Variants in RARB observed in about 807,000 individuals in gnomAD.
The protein encoded by RARB is retinoic acid receptor beta.
In RARB, 17 loss-of-function variants were observed where a neutral mutation model predicts 51.9. That is an observed-to-expected ratio of 0.33 (90% confidence interval 0.22 to 0.49). RARB has a LOEUF of 0.49. RARB is among the 20% of genes least tolerant of loss of function. RARB has a pLI of 0.99. For missense variants in RARB, 369 were observed against 550.8 expected (o/e 0.67, Z 3.30); for synonymous variants, 215 against 195.4 (o/e 1.10, Z -0.84).
chr3:25,212,235 C>T (rs1323126011), intron 5 of RARB, among the ~76,000 whole-genome samples: 1 of 152,016 alleles, frequency 6.6e-6, no homozygotes, highest in African/African-American at 2.4e-5. Flanking sequence ...AGTAAATAAG[C>T]TCAATGCATA....
chr3:25,352,885 G>C (rs1404094782), intron 5 of RARB, among the ~76,000 whole-genome samples: 1 of 152,132 alleles, frequency 6.6e-6, no homozygotes, highest in Non-Finnish European at 1.5e-5. Context: ...CGTATGAACT[G>C]GACTGTCCTT....
chr3:24,951,108 T>A (rs1259748301), intron 2 of RARB, among the ~76,000 whole-genome samples: 2 of 152,210 alleles, frequency 1.3e-5, no homozygotes, highest in African/African-American at 4.8e-5. Flanking sequence ...CAGTGAATTT[T>A]ATGATGACAG....
chr3:24,894,835 C>A (rs1338986322), intron 2 of RARB, among the ~76,000 whole-genome samples: 1 of 152,026 alleles, frequency 6.6e-6, no homozygotes, highest in Non-Finnish European at 1.5e-5. Flanking sequence ...CTCATGGAGA[C>A]CATTATCCAA....
At chr3:25,262,644 A>G (rs972353248) in intron 5 of RARB, among the ~76,000 whole-genome samples, 12 of 152,042 alleles carry the variant, frequency 7.9e-5, no homozygotes, top group African/African-American at 7.2e-5. Flanking sequence ...AATCTGATCT[A>G]TTGTTCTGCT....
rs1157902711 is a variant in RARB at position 25,171,440 on chromosome 3, A to ATTTTT, written c.-279-2662_-279-2658dup. On this transcript the variant is annotated intron_variant, in intron 4 of 11. Coordinates refer to the RARB transcript ENST00000383772. ...ATGTCGGGATTTTCTCGACACATTG[A>ATTTTT]TTTTTTTTTTTTTTTTTTTTTGCCT... 3.0e-3 allele frequency among the ~76,000 whole-genome samples: 96 copies of ATTTTT among 32,214 alleles called. 10 individuals are homozygous for ATTTTT. The highest frequency in any genetic ancestry group is 3.8e-3 in the Admixed American group (9 of 2,346). The allele number at this position is 32,214 out of a possible 152,430, so 21.1% of individuals were successfully genotyped here.
chr3:25,143,458 G>A (rs949657915), intron 4 of RARB, among the ~76,000 whole-genome samples: 7 of 152,258 alleles, frequency 4.6e-5, no homozygotes, highest in Admixed American at 2.6e-4. Context: ...AGGCCCACCC[G>A]ATCCAAAAGA....
chr3:25,195,221 A>C (rs1225241673), intron 5 of RARB, among the ~76,000 whole-genome samples: 1 of 151,926 alleles, frequency 6.6e-6, no homozygotes, highest in Admixed American at 6.6e-5. Flanking sequence ...TCACCTGAAG[A>C]TATCCATTTC....
chr3:25,439,990 C>A (rs1708593386), intron 1 of RARB, among the ~76,000 whole-genome samples: 1 of 152,120 alleles, frequency 6.6e-6, no homozygotes, highest in South Asian at 2.1e-4. Context: ...GCTGTGGAAG[C>A]TTGAGCTCCA....
At chr3:24,919,569 G>A (rs1695177543) in intron 2 of RARB, among the ~76,000 whole-genome samples, 1 of 152,016 alleles carries the variant, frequency 6.6e-6, no homozygotes, top group African/African-American at 2.4e-5. Context: ...TTCACCACGT[G>A]GCTGCACTGG....
At chr3:25,130,992 A>C (rs553653206) in intron 3 of RARB, among the ~76,000 whole-genome samples, 3 of 30,910 alleles carry the variant, frequency 9.7e-5, no homozygotes, top group Non-Finnish European at 2.1e-4. Flanking sequence ...TAATATTATC[A>C]ATATTTATTT....
chr3:25,333,844 A>C (rs1215770379), intron 5 of RARB, among the ~76,000 whole-genome samples: 1 of 152,218 alleles, frequency 6.6e-6, no homozygotes, highest in Non-Finnish European at 1.5e-5. Flanking sequence ...AAAATGAAAC[A>C]ACCCCATCAC....
chr3:25,517,443 A>T (rs1698216239), intron 3 of RARB, among the ~76,000 whole-genome samples: 1 of 152,342 alleles, frequency 6.6e-6, no homozygotes, highest in African/African-American at 2.4e-5. Flanking sequence ...CCATGATGAG[A>T]TGCTGCTTCA....
chr3:25,419,075 CAGTCCTGCAGA>C (rs1707786682), intron 5 of RARB, among the ~76,000 whole-genome samples: 2 of 151,322 alleles, frequency 1.3e-5, no homozygotes, highest in Non-Finnish European at 2.9e-5. Flanking sequence ...GAAGAGTGAG[CAGTCCTGCAGA>C]AGTATGATTG....
chr3:25,479,696 A>AT, intron 2 of RARB, among the ~76,000 whole-genome samples: 1 of 152,206 alleles, frequency 6.6e-6, no homozygotes, highest in Non-Finnish European at 1.5e-5. Context: ...CAAACATTTC[A>AT]TTACCACCTA....
chr3:24,925,102 C>G (rs952052826), intron 2 of RARB, among the ~76,000 whole-genome samples: 1 of 152,078 alleles, frequency 6.6e-6, no homozygotes, highest in African/African-American at 2.4e-5. Context: ...TCGCAGCCCT[C>G]TCATATGCAT....
intron 2 of RARB, among the ~76,000 whole-genome samples, chr3:25,037,259 CTT>C (rs35430060): frequency 1.4e-5 from 2 of 143,962 alleles, no homozygotes; most frequent in Non-Finnish European, 3.0e-5. Flanking sequence ...ATTTCACCAG[CTT>C]TTTTTTTTTT....
intron 2 of RARB, among the ~76,000 whole-genome samples, chr3:24,960,781 G>C (rs1349221274): frequency 6.6e-6 from 1 of 150,958 alleles, no homozygotes; most frequent in African/African-American, 2.4e-5. Context: ...TTTTAACTTT[G>C]GTGTGTCGCA....
At chr3:25,442,725 A>G (rs942533012) in intron 1 of RARB, among the ~76,000 whole-genome samples, 3 of 151,758 alleles carry the variant, frequency 2.0e-5, no homozygotes, top group African/African-American at 7.3e-5. Context: ...GGGTGGAACT[A>G]TTTTTCCTGG....
chr3:25,097,670 C>T (rs927569153), intron 3 of RARB, among the ~76,000 whole-genome samples: 4 of 152,102 alleles, frequency 2.6e-5, no homozygotes, highest in African/African-American at 4.8e-5. Context: ...CTAATTCTTA[C>T]CTAATGGAGA....
Sources: gnomAD v4.1 joint callset for allele counts (sites outside exome capture counted in the v4.1 genomes callset) on GRCh38, gnomAD v4.1.1 for gene constraint, MANE v1.5 for transcripts, NCBI Gene and HGNC (gene_info 2026-07-23, HGNC 2026-07-21) for gene names.